The following MAP3K12 variants were observed in gnomAD, a reference collection of about 807,000 sequenced individuals.
MAP3K12 encodes the protein MAPK-upstream kinase.
Under a neutral mutation model 87.5 loss-of-function variants are expected in MAP3K12, and 14 were observed. That is an observed-to-expected ratio of 0.16 (90% confidence interval 0.11 to 0.25). The LOEUF is 0.25. Among genes scored for constraint, MAP3K12 ranks in the 10% least tolerant of loss-of-function variants. MAP3K12 has a pLI of 1.00. For synonymous variants in MAP3K12, 469 were observed against 452.5 expected (o/e 1.04, Z -0.46); for missense variants, 802 against 1,140.4 (o/e 0.70, Z 4.27).
intron 7 of MAP3K12, 25 bp downstream of exon 7, chr12:53,484,232 A>C (rs1943163637): frequency 6.3e-7 from 1 of 1,590,182 alleles, no homozygotes; most frequent in South Asian, 1.1e-5. Flanking sequence ...GGAGTTAGGT[A>C]TTTATTTTCC....
chr12:53,482,394 G>T lies in MAP3K12; in HGVS notation c.2239-25C>A, dbSNP rs771072634. 3 of 1,612,446 alleles carry T rather than the reference G, an allele frequency of 1.9e-6. No individual in the cohort carries two copies. The African/African-American group carries it at 4.0e-5, about 22-fold the overall frequency. ...TCTGCAGGAGAGATGGGGTGGGGGG[G>T]GTCTGATTAGAAGTGGAAAGAGGTC... On this transcript the variant is annotated intron_variant, in intron 11 of 13. Coordinates refer to ENST00000547488, the MANE Select transcript of MAP3K12 (RefSeq NM_001193511.2).
chr12:53,481,187 G>C lies in MAP3K12; in HGVS notation c.2674C>G (p.Pro892Ala). 6.6e-7 allele frequency: 1 copy of C among 1,509,208 alleles called. No individual in the cohort carries two copies. Among genetic ancestry groups the C allele is most frequent in the Non-Finnish European group, 8.9e-7 (1 of 1,124,798 alleles). The allele number at this position is 1,509,208 out of a possible 1,614,324, so 93.5% of individuals were successfully genotyped here. Reference sequence around the variant, plus strand: ...ACAAGGAATACGAGTGGCTTTCATGGAGGGAGGGAAGCTGGGGGCCGCAAG... The same window carrying C: ...ACAAGGAATACGAGTGGCTTTCATGCAGGGAGGGAAGCTGGGGGCCGCAAG... Reference protein sequence around the residue: ...DALRPPASLPP With the variant: ...DALRPPASLPA Residue 892 changes from proline to alanine, a missense_variant, in exon 14 of 14, where the codon CCA becomes GCA. Around this residue, in one of 5 missense-constraint regions of MAP3K12, gnomAD observed 490 missense variants for 496.6 expected, o/e 0.99. Transcript: ENST00000547488.
chr12:53,497,808 T>C (rs1198507243), intron 1 of MAP3K12, among the ~76,000 whole-genome samples: 1 of 152,170 alleles, frequency 6.6e-6, no homozygotes, highest in Non-Finnish European at 1.5e-5. Context: ...ACAGGGTTGA[T>C]TCCTTCTTTC....
chr12:53,490,161 G>A (rs954547683), intron 1 of MAP3K12, among the ~76,000 whole-genome samples: 1 of 152,018 alleles, frequency 6.6e-6, no homozygotes, highest in East Asian at 1.9e-4. Flanking sequence ...AAAATTAGCC[G>A]GCCGTGGTGG....
rs1253483618 is a variant in MAP3K12 at position 53,486,938 on chromosome 12, G to A, written c.445+9C>T. 2.5e-6 allele frequency: 4 copies of A among 1,610,768 alleles called. No individual in the cohort carries two copies. The highest frequency in any genetic ancestry group is 2.5e-6 in the Non-Finnish European group (3 of 1,177,206). ...ACAGAGAGGAGGCTCCCACAAGGAC[G>A]TGGCCTACCTTCCTGCTGCTGCTTG... On this transcript the variant is annotated intron_variant, in intron 2 of 13. Transcript: ENST00000547488. The surrounding 1 kb of genome is among the most constrained non-coding windows in gnomAD (Gnocchi z 4.9).
At chr12:53,492,189 T>C (rs181079208) in intron 1 of MAP3K12, among the ~76,000 whole-genome samples, 143 of 152,372 alleles carry the variant, frequency 9.4e-4, no homozygotes, top group Non-Finnish European at 1.8e-3. Context: ...CCTTCTTTCC[T>C]GATCCGCTCT....
At chr12:53,498,069 T>C (rs1034260111) in intron 1 of MAP3K12, among the ~76,000 whole-genome samples, 1 of 152,194 alleles carries the variant, frequency 6.6e-6, no homozygotes, top group Non-Finnish European at 1.5e-5. Context: ...GGTGTCTCCA[T>C]GTTGAGAGCT....
chr12:53,481,419 G>A lies in MAP3K12; in HGVS notation c.2581-139C>T, dbSNP rs541942135. 199 of 364,000 alleles carry A rather than the reference G, an allele frequency of 5.5e-4. 2 individuals carry two copies. The South Asian group carries it at 7.7e-3, about 14-fold the overall frequency. The allele number at this position is 364,000 out of a possible 1,614,324, so 22.5% of individuals were successfully genotyped here. ...GGCTGGAGTGCAGTAGCACAATCTC[G>A]GCTCACTGCAACCTCTGCCTCCCAG... On this transcript the variant is annotated intron_variant, in intron 13 of 13. Coordinates refer to ENST00000547488, the MANE Select transcript of MAP3K12 (RefSeq NM_001193511.2).
rs1258277032 is a variant in MAP3K12 at position 53,483,188 on chromosome 12, G to A, written c.1615C>T (p.Pro539Ser). Residue 539 changes from proline to serine, a missense_variant and splice_region_variant, in exon 11 of 14, where the codon CCA (proline) becomes TCA (serine). By Grantham distance (74) the Pro-to-Ser change is moderately conservative. This residue lies in a region of MAP3K12 where 490 missense variants were observed against 496.6 expected (regional missense o/e 0.99). Transcript: ENST00000547488. ...AAAGACTCCGTCTTGAGGATATCTG[G>A]CCTGGAAGAAGAGGAAAAGTAAAAG... ...PQKLSPHSKR[P>S]DILKTESLLP... 6.6e-7 allele frequency: 1 copy of A among 1,525,826 alleles called. No homozygotes were observed. The highest frequency in any genetic ancestry group is 8.8e-7 in the Non-Finnish European group (1 of 1,139,176). 94.5% of individuals were successfully genotyped at this position (1,525,826 alleles called of 1,614,324 possible). A position where few individuals can be genotyped will look rare whatever the true frequency, so the allele number is the denominator to read the frequency against.
intron 1 of MAP3K12, 43 bp from the exon 2 acceptor site, chr12:53,487,471 A>G (rs981607672): frequency 2.0e-6 from 3 of 1,524,470 alleles, no homozygotes; most frequent in African/African-American, 2.8e-5. Context: ...TTAAAGCCCC[A>G]GGACTGCCTG....
At chr12:53,488,069 G>C (rs1487308267) in intron 1 of MAP3K12, among the ~76,000 whole-genome samples, 1 of 152,162 alleles carries the variant, frequency 6.6e-6, no homozygotes, top group African/African-American at 2.4e-5. Flanking sequence ...ACTCAGGTGA[G>C]AGCCTCATTC....
intron 1 of MAP3K12, among the ~76,000 whole-genome samples, chr12:53,488,096 G>GC (rs1943285673): frequency 6.6e-6 from 1 of 152,154 alleles, no homozygotes; most frequent in Non-Finnish European, 1.5e-5. Flanking sequence ...ACACCCCTGG[G>GC]CCTCTCCAAG....
chr12:53,496,480 G>C (rs1386527190), intron 1 of MAP3K12, among the ~76,000 whole-genome samples: 1 of 152,164 alleles, frequency 6.6e-6, no homozygotes, highest in Non-Finnish European at 1.5e-5. Flanking sequence ...TGGAGGCCTC[G>C]GGGAAGGGGA....
At chr12:53,501,327 GC>G, upstream of MAP3K12, 6 of 1,509,418 alleles carry the variant, frequency 4.0e-6, no homozygotes, top group Non-Finnish European at 5.4e-6. Flanking sequence ...TCCGGGCTTG[GC>G]CCCGGCCCTA....
At chr12:53,493,848 C>T (rs1943482700) in intron 1 of MAP3K12, 1 of 152,268 alleles carries the variant, frequency 6.6e-6, no homozygotes, top group Non-Finnish European at 1.5e-5. Flanking sequence ...CTTCTGGTAT[C>T]CAGGGCCAGC....
Position 53,486,273 on chromosome 12 carries a change from G to A in MAP3K12, c.630-26C>T, listed in dbSNP as rs1321373325. ...CTGGGAGCCAAACAATGGTATGAAG[G>A]CCTCAGCTGGCTCAGCATTCACCTG... On this transcript the variant is annotated intron_variant, in intron 3 of 13. Transcript: ENST00000547488. This position sits in a 1 kb window ranked among gnomAD's most constrained non-coding sequence, Gnocchi z 4.9. The A allele has an allele frequency of 1.3e-6, 2 of 1,576,284 alleles. No individual in the cohort carries two copies. The highest frequency in any genetic ancestry group is 2.3e-5 in the South Asian group (2 of 85,448).
intron 9 of MAP3K12, 55 bp from the exon 10 acceptor site, chr12:53,483,541 G>C (rs1943137582): frequency 1.7e-5 from 27 of 1,613,906 alleles, no homozygotes; most frequent in Non-Finnish European, 2.1e-5. Context: ...GGGCACCCCA[G>C]TCTCAGTAGG....
In MAP3K12 at chr12:53,483,492, G is replaced by A; in HGVS notation, c.1476-6C>T. 1 of 1,614,078 alleles carries A rather than the reference G, an allele frequency of 6.2e-7. No individual in the cohort carries two copies. Among genetic ancestry groups the A allele is most frequent in the African/African-American group, 1.3e-5 (1 of 75,022 alleles). On this transcript the variant is annotated splice_region_variant and splice_polypyrimidine_tract_variant and intron_variant, in intron 9 of 13. Coordinates refer to ENST00000547488, the MANE Select transcript of MAP3K12 (RefSeq NM_001193511.2). ...GCTCTAAAGCTTGCTCTCGCCTAAA[G>A]ATCCAGGCACCTTCTCAGCTGGGCA...
At position 53,485,518 on chromosome 12, in the gene MAP3K12, C is replaced by A. The variant is rs756443264; in HGVS notation, c.822-43G>T. On this transcript the variant is annotated intron_variant, in intron 4 of 13. Transcript: ENST00000547488. The stretch of plus-strand genomic sequence containing the variant: ...CAGCTGGGGTCCACACCCCTCCACA[C>A]ACCTCATCTAACTCTGCAGCAACTC... 5.0e-5 allele frequency: 80 copies of A among 1,591,240 alleles called. 1 individual carries two copies. The South Asian group carries it at 8.8e-4, about 17-fold the overall frequency.
Sources: allele counts gnomAD v4.1 joint callset (sites outside exome capture counted in the v4.1 genomes callset), GRCh38; gene constraint gnomAD v4.1.1; regional missense constraint gnomAD v4.1.1; non-coding constraint Gnocchi (gnomAD v3.1); transcripts MANE v1.5; gene names NCBI Gene and HGNC (gene_info 2026-07-23, HGNC 2026-07-21).